The following TMEM178B variants were observed in gnomAD, a reference collection of about 807,000 sequenced individuals.
TMEM178B encodes the protein transmembrane protein 178B.
Under a neutral mutation model 31.0 loss-of-function variants are expected in TMEM178B, and 5 were observed. The observed-to-expected ratio is 0.16, with a 90% CI of 0.08 to 0.34. TMEM178B has a LOEUF of 0.34. Ranked by LOEUF, TMEM178B falls within the 10% of genes least tolerant of loss-of-function variation. TMEM178B has a pLI of 1.00. For missense variants in TMEM178B, 275 were observed against 400.3 expected (o/e 0.69, Z 2.67); for synonymous variants, 164 against 164.0 (o/e 1.00, Z 0.00).
rs945711470 is a variant in TMEM178B, at chr7:141,115,863, T to C, written c.382+41171T>C. 2.0e-5 allele frequency among the ~76,000 whole-genome samples: 3 copies of C among 152,234 alleles called. No homozygotes were observed. In the South Asian group the frequency reaches 6.2e-4, roughly 31 times the overall value. On this transcript the variant is annotated intron_variant, in intron 1 of 3. Transcript: ENST00000565468. Reference sequence around the variant, plus strand: ...TTTTTATTATAATGTTATTTAAATATGTATAAAATAAAGCTAGGTATAAAC... The same window carrying C: ...TTTTTATTATAATGTTATTTAAATACGTATAAAATAAAGCTAGGTATAAAC...
chr7:141,383,157 TTTCTTTC>T (rs1800355141), intron 2 of TMEM178B, among the ~76,000 whole-genome samples: 3 of 147,918 alleles, frequency 2.0e-5, no homozygotes, highest in African/African-American at 7.5e-5. Flanking sequence ...TCTTTCTTTC[TTTCTTTC>T]TTTTTTTTTA....
At chr7:141,215,841 TTCTTTTCTTTTCTTTC>T (rs1797132371) in intron 2 of TMEM178B, among the ~76,000 whole-genome samples, 1 of 71,342 alleles carries the variant, frequency 1.4e-5, no homozygotes, top group African/African-American at 3.4e-5. Context: ...TTTCTTTCTT[TTCTTTTCTTTTCTTTC>T]TCTTTCTTTC....
intron 2 of TMEM178B, among the ~76,000 whole-genome samples, chr7:141,410,226 G>A (rs544223069): frequency 7.9e-5 from 12 of 152,156 alleles, no homozygotes; most frequent in Non-Finnish European, 1.2e-4. Flanking sequence ...CTGGGTCTGC[G>A]TAATGAGCCT....
At chr7:141,501,872 G>C in the TMEM178B span, among the ~76,000 whole-genome samples, 1 of 145,724 alleles carries the variant, frequency 6.9e-6, no homozygotes, top group South Asian at 2.1e-4. Context: ...CTCTCTCTCT[G>C]TCCCCAGATA....
intron 2 of TMEM178B, among the ~76,000 whole-genome samples, chr7:141,265,700 A>G (rs1255464187): frequency 2.0e-5 from 3 of 152,212 alleles, no homozygotes; most frequent in African/African-American, 7.2e-5. Context: ...AGAACAAAGA[A>G]GCAGAATCAG....
In TMEM178B at chr7:141,475,762, C is replaced by T. The variant is rs139708766; in HGVS notation, c.*4976C>T. 2 of 151,828 alleles carry T rather than the reference C, an allele frequency of 1.3e-5. No individual in the cohort carries two copies. The highest frequency in any genetic ancestry group is 2.9e-5 in the Non-Finnish European group (2 of 68,012). The allele number at this position is 151,828 out of a possible 1,614,324, so 9.4% of individuals were successfully genotyped here. On this transcript the variant is annotated 3_prime_UTR_variant, in exon 4 of 4. Transcript: ENST00000565468. The stretch of plus-strand genomic sequence containing the variant: ...AAGATGTCTCTTTGGGCCTGTCTGC[C>T]TGCTTTCCTTCCTTCCTTTTCTTTC...
chr7:141,222,255 T>G (rs965928362), intron 2 of TMEM178B, among the ~76,000 whole-genome samples: 1 of 152,104 alleles, frequency 6.6e-6, no homozygotes, highest in Non-Finnish European at 1.5e-5. Flanking sequence ...TTGTATTGTG[T>G]GTGTTAGCTA....
At chr7:141,405,068 T>G (rs757195893) in intron 2 of TMEM178B, among the ~76,000 whole-genome samples, 1 of 152,258 alleles carries the variant, frequency 6.6e-6, no homozygotes. Flanking sequence ...TGTCTTCCTC[T>G]GTGGAGCTGT....
At chr7:141,114,784 G>A (rs1046905395) in intron 1 of TMEM178B, among the ~76,000 whole-genome samples, 9 of 152,178 alleles carry the variant, frequency 5.9e-5, no homozygotes, top group Admixed American at 3.9e-4. Flanking sequence ...CTGCTTAAGC[G>A]GGGAATTCAG....
intron 2 of TMEM178B, among the ~76,000 whole-genome samples, chr7:141,334,488 T>C (rs1030406845): frequency 6.6e-6 from 1 of 152,244 alleles, no homozygotes; most frequent in Non-Finnish European, 1.5e-5. Flanking sequence ...TGCAGTCATG[T>C]ATCTGCAGGG....
chr7:141,204,991 T>G (rs1192784277), intron 1 of TMEM178B, among the ~76,000 whole-genome samples: 2 of 152,086 alleles, frequency 1.3e-5, no homozygotes, highest in African/African-American at 2.4e-5. Context: ...CGGCTAATTT[T>G]TAAAAGTTTT....
chr7:141,126,749 T>G (rs1392819025), intron 1 of TMEM178B, among the ~76,000 whole-genome samples: 1 of 152,162 alleles, frequency 6.6e-6, no homozygotes, highest in Non-Finnish European at 1.5e-5. Context: ...ACAGGCTAAG[T>G]TGGATTGGTG....
At chr7:141,140,505 G>A (rs1033189722) in intron 1 of TMEM178B, among the ~76,000 whole-genome samples, 1 of 152,150 alleles carries the variant, frequency 6.6e-6, no homozygotes, top group African/African-American at 2.4e-5. Context: ...TTACATTAGT[G>A]TGGTGCATTT....
chr7:141,207,808 G>C (rs895393889), intron 1 of TMEM178B, among the ~76,000 whole-genome samples: 6 of 152,122 alleles, frequency 3.9e-5, no homozygotes, highest in Admixed American at 3.9e-4. Context: ...TGTACTCCTA[G>C]CACTTTGGGA....
intron 3 of TMEM178B, among the ~76,000 whole-genome samples, chr7:141,464,459 CT>C (rs1293408058): frequency 1.3e-5 from 2 of 152,294 alleles, no homozygotes; most frequent in African/African-American, 4.8e-5. Flanking sequence ...CACCCTCAGT[CT>C]GATACTATTT....
intron 2 of TMEM178B, among the ~76,000 whole-genome samples, chr7:141,241,429 T>C (rs1797617123): frequency 6.6e-6 from 1 of 151,634 alleles, no homozygotes; most frequent in Non-Finnish European, 1.5e-5. Flanking sequence ...CCGTCTCTAC[T>C]AAAAATACAA....
chr7:141,503,056 T>A, the TMEM178B span, among the ~76,000 whole-genome samples: 3 of 152,284 alleles, frequency 2.0e-5, no homozygotes, highest in African/African-American at 7.2e-5. Flanking sequence ...TCCACCCAGC[T>A]CTTCTCCAGA....
chr7:141,272,376 C>G (rs910423426), intron 2 of TMEM178B, among the ~76,000 whole-genome samples: 1 of 152,176 alleles, frequency 6.6e-6, no homozygotes, highest in Admixed American at 6.5e-5. Flanking sequence ...ATTCACTTTT[C>G]CAATCCCCCT....
intron 2 of TMEM178B, among the ~76,000 whole-genome samples, chr7:141,268,867 G>T (rs114402405): frequency 6.6e-6 from 1 of 152,178 alleles, no homozygotes; most frequent in Non-Finnish European, 1.5e-5. Flanking sequence ...GTGGGCCAAA[G>T]AGCAATAACA....
Sources: gnomAD v4.1 joint callset for allele counts (sites outside exome capture counted in the v4.1 genomes callset) on GRCh38, gnomAD v4.1.1 for gene constraint, MANE v1.5 for transcripts, NCBI Gene and HGNC (gene_info 2026-07-23, HGNC 2026-07-21) for gene names.